The following KMT2A variants were observed in gnomAD, a reference collection of about 807,000 sequenced individuals.
KMT2A encodes lysine methyltransferase 2A, also known as histone-lysine N-methyltransferase 2A.
A neutral mutation model predicts 345.3 loss-of-function variants in KMT2A; 16 were observed. The observed-to-expected ratio is 0.05, with a 90% CI of 0.03 to 0.07. The LOEUF is 0.07. KMT2A is among the 10% of genes least tolerant of loss of function. The pLI, the probability that KMT2A is intolerant of heterozygous loss-of-function variation, is 1.00. For synonymous variants in KMT2A, 1,599 were observed against 1,778.6 expected, an observed-to-expected ratio of 0.90 and a Z score of 2.54; for missense variants, 3,272 against 4,841.6, an observed-to-expected ratio of 0.68 and a Z score of 9.62.
Position 118,481,937 on chromosome 11 carries a change from C to G in KMT2A, c.3857C>G (p.Ala1286Gly), listed in dbSNP as rs1214987071. 6.2e-7 allele frequency: 1 copy of G among 1,614,072 alleles called. No homozygotes were observed. The change falls in exon 7 of 36, where the codon GCC becomes GGC. Residue 1286 changes from alanine (A) to glycine (G), a missense_variant. Physicochemically the swap from Ala to Gly is moderately conservative, Grantham distance 60. This residue lies in a region of KMT2A where 168 missense variants were observed against 216.0 expected (regional missense o/e 0.78). Transcript: ENST00000534358. ...VSAPGPESKQ[A>G]TTPASRKSSK... is the part of the protein sequence containing the mutation. ...GCCCCTGGGCCTGAATCCAAACAGG[C>G]CACCACTCCAGCTTCCAGGAAGTCA...
chr11:118,474,692 G>C (rs1591377161), intron 3 of KMT2A, among the ~76,000 whole-genome samples: 1 of 152,048 alleles, frequency 6.6e-6, no homozygotes, highest in East Asian at 1.9e-4. Flanking sequence ...ATTAAACCAG[G>C]GACTTAATTG....
intron 11 of KMT2A, among the ~76,000 whole-genome samples, chr11:118,489,302 G>T (rs1555041845): frequency 6.7e-6 from 1 of 149,246 alleles, no homozygotes; most frequent in Admixed American, 6.7e-5. Flanking sequence ...GCACCATTTT[G>T]TCTAGGGACT....
Position 118,497,027 on chromosome 11 carries a change from G to A in KMT2A, c.5664+660G>A, listed in dbSNP as rs1246857081. 1.3e-5 allele frequency among the ~76,000 whole-genome samples: 2 copies of A among 151,512 alleles called. No individual in the cohort carries two copies. The highest frequency in any genetic ancestry group is 4.9e-5 in the African/African-American group (2 of 40,950). On this transcript the variant is annotated intron_variant, in intron 20 of 35. Transcript: ENST00000534358. This position sits in a 1 kb window ranked among gnomAD's most constrained non-coding sequence, Gnocchi z 4.8. ...GAGTTTCGCTCTTGTTGCCCAGGCT[G>A]GAGTTTCGCTCTTGTTGCCCAGGCT...
In KMT2A at chr11:118,490,777, C is replaced by T. The variant is rs1208580167; in HGVS notation, c.4697-419C>T. Among the ~76,000 whole-genome samples, 5 of 152,044 alleles carry T rather than the reference C, an allele frequency of 3.3e-5. No homozygotes were observed. Among genetic ancestry groups the T allele is most frequent in the Non-Finnish European group, 7.4e-5 (5 of 68,006 alleles). Reference sequence around the variant, plus strand: ...ACAGAGTACTGAATCTTAGGAAGTGCTCCTCTAAGCTCTAATGTAAATGCC... The same window carrying T: ...ACAGAGTACTGAATCTTAGGAAGTGTTCCTCTAAGCTCTAATGTAAATGCC... On this transcript the variant is annotated intron_variant, in intron 13 of 35. Coordinates refer to ENST00000534358, the MANE Select transcript of KMT2A (RefSeq NM_001197104.2). The surrounding 1 kb of genome is among the most constrained non-coding windows in gnomAD (Gnocchi z 4.2).
intron 1 of KMT2A, among the ~76,000 whole-genome samples, chr11:118,464,101 T>A (rs1393680097): frequency 6.6e-6 from 1 of 152,328 alleles, no homozygotes; most frequent in East Asian, 1.9e-4. Context: ...AGATGAAGCC[T>A]GTAGTAGCAG....
intron 29 of KMT2A, 128 bp from the exon 30 acceptor site, chr11:118,509,820 A>C: frequency 1.5e-6 from 1 of 660,150 alleles, no homozygotes; most frequent in East Asian, 3.1e-5. Context: ...GTTATCTATA[A>C]ATGGGAATAA....
Position 118,511,960 on chromosome 11 carries a change from A to G in KMT2A, c.11081A>G (p.Lys3694Arg). Residue 3694 changes from lysine to arginine, a missense_variant, in exon 31 of 36, where the codon AAG (lysine) becomes AGG (arginine). Physicochemically the swap from Lys to Arg is conservative, Grantham distance 26. This residue lies in a region of KMT2A where 72 missense variants were observed against 135.6 expected (regional missense o/e 0.53). Transcript: ENST00000534358. ...ICAESIEDAWKSLTDKVQEAR... is the reference protein window; with the variant it reads ...ICAESIEDAWRSLTDKVQEAR... ...CTTTATTTCCTTTCAGATGCCTGGA[A>G]GTCATTGACAGATAAAGTCCAGGAA... 1 of 1,614,096 alleles carries G rather than the reference A, an allele frequency of 6.2e-7. No homozygotes were observed. Among genetic ancestry groups the G allele is most frequent in the Non-Finnish European group, 8.5e-7 (1 of 1,179,936 alleles).
rs908416095 is a variant in KMT2A at position 118,525,758 on chromosome 11, G to A, written c.*3586G>A. The stretch of plus-strand genomic sequence containing the variant: ...TGTCAGATGTTAACTTCTAAGTTCG[G>A]TTTGGGATTTTTTTTTTTTAATAGA... On this transcript the variant is annotated 3_prime_UTR_variant, in exon 36 of 36. Coordinates refer to ENST00000534358, the MANE Select transcript of KMT2A (RefSeq NM_001197104.2). The A allele has an allele frequency of 2.2e-5, 5 of 228,034 alleles. No individual in the cohort carries two copies. The highest frequency in any genetic ancestry group is 5.7e-5 in the Admixed American group (1 of 17,574). 14.1% of individuals were successfully genotyped at this position (228,034 alleles called of 1,614,324 possible). A position where few individuals can be genotyped will look rare whatever the true frequency, so the allele number is the denominator to read the frequency against.
Position 118,489,297 on chromosome 11 carries a change from AT to A in KMT2A, c.4480-491del, listed in dbSNP as rs9332805. Among the ~76,000 whole-genome samples, 234 of 151,254 alleles carry A rather than the reference AT, an allele frequency of 1.5e-3. 6 individuals carry two copies. The East Asian group carries it at 0.039, about 25-fold the overall frequency. On this transcript the variant is annotated intron_variant, in intron 11 of 35. Coordinates refer to ENST00000534358, the MANE Select transcript of KMT2A (RefSeq NM_001197104.2). ...TTTTGTTATATGCAAATGCTGCACC[AT>A]TTTGTCTAGGGACTTGGGCATCCAT...
intron 1 of KMT2A, among the ~76,000 whole-genome samples, chr11:118,454,701 T>A (rs960949227): frequency 3.9e-5 from 6 of 152,188 alleles, no homozygotes; most frequent in African/African-American, 1.4e-4. Context: ...AGTCAGACCA[T>A]TGTAAGTCAG....
At chr11:118,481,235 C>A (rs1950125893) in intron 6 of KMT2A, among the ~76,000 whole-genome samples, 1 of 152,036 alleles carries the variant, frequency 6.6e-6, no homozygotes, top group South Asian at 2.1e-4. Context: ...CCCCACTTTC[C>A]CCCTCAACCT....
intron 1 of KMT2A, among the ~76,000 whole-genome samples, chr11:118,441,755 C>T (rs1341087858): frequency 2.0e-5 from 3 of 152,226 alleles, no homozygotes; most frequent in African/African-American, 7.2e-5. Context: ...AACCAGATGA[C>T]ATGTCCCCAT....
rs184174394 is a variant in KMT2A at position 118,485,585 on chromosome 11, G to A, written c.4332+610G>A. Among the ~76,000 whole-genome samples the A allele has an allele frequency of 2.2e-3, 333 of 152,192 alleles. 1 individual carries two copies. Among genetic ancestry groups the A allele is most frequent in the Middle Eastern group, 0.01 (3 of 292 alleles). On this transcript the variant is annotated intron_variant, in intron 10 of 35. Transcript: ENST00000534358. Reference sequence around the variant, plus strand: ...GATTAGTTACAATCTTTCTTTCTGAGGGAATTATTTGGAAATATATATCTA... The same window carrying A: ...GATTAGTTACAATCTTTCTTTCTGAAGGAATTATTTGGAAATATATATCTA...
rs540265747 is a variant in KMT2A at position 118,444,624 on chromosome 11, A to G, written c.432+7680A>G. Among the ~76,000 whole-genome samples, 5 of 152,304 alleles carry G rather than the reference A, an allele frequency of 3.3e-5. No homozygotes were observed. The South Asian group carries it at 1.0e-3, about 32-fold the overall frequency. ...AGGATCTTGCTTTGTTGCCTAGGCT[A>G]GAGTGTAATGGCACAAACATTTCAT... On this transcript the variant is annotated intron_variant, in intron 1 of 35. Coordinates refer to ENST00000534358, the MANE Select transcript of KMT2A (RefSeq NM_001197104.2).
At position 118,494,937 on chromosome 11, in the gene KMT2A, T is replaced by G. The variant is rs1027279103; in HGVS notation, c.5363+170T>G. 6.6e-6 allele frequency among the ~76,000 whole-genome samples: 1 copy of G among 152,152 alleles called. No individual in the cohort carries two copies. Among genetic ancestry groups the G allele is most frequent in the Non-Finnish European group, 1.5e-5 (1 of 68,026 alleles). ...ACATTTAATGTTTGTTATAAGCAAT[T>G]GCCTTTTTGTTCTTTACTTTTATAT... is the stretch of plus-strand genomic sequence containing the variant. On this transcript the variant is annotated intron_variant, in intron 18 of 35. Transcript: ENST00000534358. This position sits in a 1 kb window ranked among gnomAD's most constrained non-coding sequence, Gnocchi z 5.8.
Position 118,513,937 on chromosome 11 carries a change from C to CAAAAAAAAAAAAAAA in KMT2A, c.11146+1919_11146+1933dup, listed in dbSNP as rs1178939991. 7.2e-4 allele frequency among the ~76,000 whole-genome samples: 34 copies of CAAAAAAAAAAAAAAA among 47,168 alleles called. 1 individual carries two copies. Among genetic ancestry groups the CAAAAAAAAAAAAAAA allele is most frequent in the East Asian group, 1.2e-3 (2 of 1,694 alleles). The allele number at this position is 47,168 out of a possible 152,430, so 30.9% of individuals were successfully genotyped here. On this transcript the variant is annotated intron_variant, in intron 31 of 35. Coordinates refer to ENST00000534358, the MANE Select transcript of KMT2A (RefSeq NM_001197104.2). ...TGGGTGACAGAACAAGACCCTGTCT[C>CAAAAAAAAAAAAAAA]AAAAAAAAAAAAAAAAAAAAAGAAA...
chr11:118,524,789 A>G lies in KMT2A; in HGVS notation c.*2617A>G. ...GGGTCCTGAATTCACCTTGAGAAAG[A>G]CCCAAAGGCCAGTCAGGGGGTGGGG... On this transcript the variant is annotated 3_prime_UTR_variant, in exon 36 of 36. Transcript: ENST00000534358. The G allele has an allele frequency of 5.5e-6, 1 of 181,750 alleles. No individual in the cohort carries two copies. Among genetic ancestry groups the G allele is most frequent in the Non-Finnish European group, 1.2e-5 (1 of 85,390 alleles). 11.3% of individuals were successfully genotyped at this position (181,750 alleles called of 1,614,324 possible). A position where few individuals can be genotyped will look rare whatever the true frequency, so the allele number is the denominator to read the frequency against.
At chr11:118,500,923 A>C in intron 24 of KMT2A, 64 bp from the exon 25 acceptor site, 1 of 1,371,648 alleles carries the variant, frequency 7.3e-7, no homozygotes, top group Non-Finnish European at 1.0e-6. Flanking sequence ...AGAGGTTTTG[A>C]AAAATGCTAG....
chr11:118,496,027 C>T lies in KMT2A; in HGVS notation c.5557+134C>T. ...TTTCAGGTCATCCTTAAATGTAATACCATCATTAATTTTGCTTCACTTGAG... is the reference window on the plus strand; with the variant it reads ...TTTCAGGTCATCCTTAAATGTAATATCATCATTAATTTTGCTTCACTTGAG... On this transcript the variant is annotated intron_variant, in intron 19 of 35. Coordinates refer to ENST00000534358, the MANE Select transcript of KMT2A (RefSeq NM_001197104.2). The surrounding 1 kb of genome is among the most constrained non-coding windows in gnomAD (Gnocchi z 4.7). The T allele has an allele frequency of 2.4e-6, 2 of 846,838 alleles. No homozygotes were observed. Among genetic ancestry groups the T allele is most frequent in the Non-Finnish European group, 3.7e-6 (2 of 533,496 alleles). The allele number at this position is 846,838 out of a possible 1,614,324, so 52.5% of individuals were successfully genotyped here.
Sources: gnomAD v4.1 joint callset for allele counts (sites outside exome capture counted in the v4.1 genomes callset) on GRCh38, gnomAD v4.1.1 for gene constraint, gnomAD v4.1.1 regional missense constraint, Gnocchi (gnomAD v3.1) non-coding constraint, MANE v1.5 for transcripts, NCBI Gene and HGNC (gene_info 2026-07-23, HGNC 2026-07-21) for gene names.